The following FMNL3 variants were observed in gnomAD, a reference collection of about 807,000 sequenced individuals.
FMNL3 encodes the protein formin like 3, also known as formin-like protein 3.
FMNL3 carries 57 observed loss-of-function variants against 119.6 expected under a neutral mutation model. The observed-to-expected ratio is 0.48, with a 90% CI of 0.39 to 0.59. The LOEUF is 0.59. Ranked by LOEUF, FMNL3 falls within the 20% of genes least tolerant of loss-of-function variation. FMNL3 has a pLI of 0.00. For missense variants in FMNL3, 1,053 were observed against 1,323.5 expected, an observed-to-expected ratio of 0.80 and a Z score of 3.17; for synonymous variants, 491 against 507.3, an observed-to-expected ratio of 0.97 and a Z score of 0.43.
Position 49,658,427 on chromosome 12 carries a change from C to A in FMNL3, c.605+15G>T. On this transcript the variant is annotated intron_variant, in intron 6 of 25. Transcript: ENST00000335154. ...TAGGGTGGGAGGCAGGTGGGCAGAG[C>A]AAAAGCACACATACCGGAGCACAGA... 6.3e-7 allele frequency: 1 copy of A among 1,579,166 alleles called. No individual in the cohort carries two copies.
At chr12:49,694,412 C>G (rs1186895599) in intron 1 of FMNL3, among the ~76,000 whole-genome samples, 1 of 152,148 alleles carries the variant, frequency 6.6e-6, no homozygotes, top group African/African-American at 2.4e-5. Flanking sequence ...CCCGATTATT[C>G]CTTACATGCA....
At chr12:49,650,979 A>T (rs1943380654) in intron 16 of FMNL3, 101 bp from the exon 17 acceptor site, 2 of 1,486,278 alleles carry the variant, frequency 1.3e-6, no homozygotes, top group South Asian at 2.3e-5. Context: ...GTCACTCTGG[A>T]ATATTTCCTG....
At chr12:49,668,588 C>G in intron 1 of FMNL3, 34 bp from the exon 2 acceptor site, 1 of 1,592,346 alleles carries the variant, frequency 6.3e-7, no homozygotes, top group African/African-American at 1.3e-5. Context: ...AAGGCTGAAA[C>G]CTCCCCTCAT....
Position 49,643,013 on chromosome 12 carries a change from C to T in FMNL3, c.*2802G>A. 4.3e-6 allele frequency: 7 copies of T among 1,613,418 alleles called. No individual in the cohort carries two copies. The highest frequency in any genetic ancestry group is 5.9e-6 in the Non-Finnish European group (7 of 1,179,536). The stretch of plus-strand genomic sequence containing the variant: ...ACCATCACAAGCGTTCCCACTCACC[C>T]TCAGTGAGTAAGCGTGTAGAAGGGA... On this transcript the variant is annotated 3_prime_UTR_variant, in exon 26 of 26. Transcript: ENST00000335154.
At chr12:49,657,048 A>G (rs1428020714) in intron 7 of FMNL3, 34 bp downstream of exon 7, 2 of 1,597,742 alleles carry the variant, frequency 1.3e-6, no homozygotes, top group East Asian at 4.5e-5. Flanking sequence ...AGGCAGAAGA[A>G]GTAGAGCACC....
intron 1 of FMNL3, among the ~76,000 whole-genome samples, chr12:49,686,010 T>C (rs1944447898): frequency 6.6e-6 from 1 of 152,080 alleles, no homozygotes; most frequent in Non-Finnish European, 1.5e-5. Context: ...GAGGTTGCAG[T>C]GAGCTGAGAT....
At chr12:49,667,777 G>GCC (rs1378978144) in intron 2 of FMNL3, among the ~76,000 whole-genome samples, 1 of 152,150 alleles carries the variant, frequency 6.6e-6, no homozygotes, top group African/African-American at 2.4e-5. Flanking sequence ...ATGGCAAAGT[G>GCC]CTGGGTAAAC....
chr12:49,645,855 G>A lies in FMNL3; in HGVS notation c.3044C>T (p.Ala1015Val), dbSNP rs976381514. ...MVVRHQARSA[A>V]PPSGPPRAPG... ...AGCCCGAGGGGGACCACTGGGCGGTGCAGCACTCCTGGCTTGGTGGCGAAC... is the reference window on the plus strand; with the variant it reads ...AGCCCGAGGGGGACCACTGGGCGGTACAGCACTCCTGGCTTGGTGGCGAAC... Residue 1015 changes from alanine (A) to valine (V), a missense_variant, in exon 26 of 26, where the codon GCA (alanine) becomes GTA (valine). By Grantham distance (64) the Ala-to-Val change is moderately conservative. This residue lies in a region of FMNL3 where 324 missense variants were observed against 380.9 expected (regional missense o/e 0.85). Coordinates refer to ENST00000335154, the MANE Select transcript of FMNL3 (RefSeq NM_175736.5). The A allele has an allele frequency of 4.3e-6, 7 of 1,610,642 alleles. No homozygotes were observed. The highest frequency in any genetic ancestry group is 2.2e-5 in the South Asian group (2 of 90,748).
intron 25 of FMNL3, 115 bp from the exon 26 acceptor site, chr12:49,646,018 A>G: frequency 1.2e-6 from 1 of 835,018 alleles, no homozygotes; most frequent in Non-Finnish European, 1.9e-6. Context: ...GCAGATAAAC[A>G]GGAGGCTTAG....
At chr12:49,705,746 T>C (rs1324336842) in intron 1 of FMNL3, among the ~76,000 whole-genome samples, 2 of 152,186 alleles carry the variant, frequency 1.3e-5, no homozygotes, top group Non-Finnish European at 2.9e-5. Flanking sequence ...CCCACATCCC[T>C]TTGGCCCTTC....
chr12:49,675,377 A>G (rs1472335318), intron 1 of FMNL3, among the ~76,000 whole-genome samples: 2 of 152,184 alleles, frequency 1.3e-5, no homozygotes, highest in East Asian at 3.8e-4. Flanking sequence ...TGCTGGGGGC[A>G]GCTTATTTTC....
At chr12:49,657,258 C>T in intron 6 of FMNL3, 68 bp from the exon 7 acceptor site, 2 of 1,237,710 alleles carry the variant, frequency 1.6e-6, no homozygotes, top group South Asian at 1.2e-5. Context: ...GGACACTCAC[C>T]ATCACCCGGA....
chr12:49,646,598 G>T, intron 25 of FMNL3: 1 of 1,430,732 alleles, frequency 7.0e-7, no homozygotes, highest in Non-Finnish European at 9.3e-7. Flanking sequence ...AGGAATCCTG[G>T]GAGACGGGCA....
At position 49,651,457 on chromosome 12, in the gene FMNL3, G is replaced by A. The variant is rs561275663; in HGVS notation, c.1604-7C>T. On this transcript the variant is annotated splice_polypyrimidine_tract_variant and splice_region_variant and intron_variant, in intron 14 of 25. Transcript: ENST00000335154. ...GGGGCTGGGGGACACTTGTCTGGGG[G>A]AAGAAGAAATGACACAGTGACCCAG... 3.3e-4 allele frequency: 477 copies of A among 1,461,630 alleles called. No homozygotes were observed. Among genetic ancestry groups the A allele is most frequent in the Non-Finnish European group, 3.7e-4 (413 of 1,102,508 alleles). 90.5% of individuals were successfully genotyped at this position (1,461,630 alleles called of 1,614,324 possible).
At chr12:49,694,356 C>T (rs1944694020) in intron 1 of FMNL3, among the ~76,000 whole-genome samples, 1 of 152,158 alleles carries the variant, frequency 6.6e-6, no homozygotes, top group Admixed American at 6.5e-5. Flanking sequence ...AAGGAGTGGA[C>T]AATCAGGCTC....
At chr12:49,692,029 C>A in intron 1 of FMNL3, among the ~76,000 whole-genome samples, 1 of 102,176 alleles carries the variant, frequency 9.8e-6, no homozygotes. Context: ...AGCAAGACTC[C>A]ATCTCAAAAA....
intron 1 of FMNL3, among the ~76,000 whole-genome samples, chr12:49,671,013 C>CA (rs1944030166): frequency 6.6e-6 from 1 of 152,214 alleles, no homozygotes; most frequent in Non-Finnish European, 1.5e-5. Context: ...AAGTCTGTGC[C>CA]ATGAAAATAG....
rs1943086829 is a variant in FMNL3, at chr12:49,644,654, A to G, written c.*1161T>C. 2 of 183,354 alleles carry G rather than the reference A, an allele frequency of 1.1e-5. No individual in the cohort carries two copies. The highest frequency in any genetic ancestry group is 2.1e-4 in the South Asian group (2 of 9,468). The allele number at this position is 183,354 out of a possible 1,614,324, so 11.4% of individuals were successfully genotyped here. On this transcript the variant is annotated 3_prime_UTR_variant, in exon 26 of 26. Transcript: ENST00000335154. ...TGTTTTTTGTTTTTTAAATAACAAT[A>G]TTTATAACATGGCCAGTGACTCTTT...
rs1265918238 is a variant in FMNL3, at chr12:49,645,611, G to A, written c.*204C>T. The A allele has an allele frequency of 1.9e-6, 1 of 525,380 alleles. No individual in the cohort carries two copies. The highest frequency in any genetic ancestry group is 3.3e-6 in the Non-Finnish European group (1 of 301,872). The allele number at this position is 525,380 out of a possible 1,614,324, so 32.5% of individuals were successfully genotyped here. On this transcript the variant is annotated 3_prime_UTR_variant, in exon 26 of 26. Transcript: ENST00000335154. Reference sequence around the variant, plus strand: ...AGGAAATGAAGTCAAAGACCTTGGGGGCAAAGTGCAGTACTGGAAGCACCA... The same window carrying A: ...AGGAAATGAAGTCAAAGACCTTGGGAGCAAAGTGCAGTACTGGAAGCACCA...
Sources: allele counts gnomAD v4.1 joint callset (sites outside exome capture counted in the v4.1 genomes callset), GRCh38; gene constraint gnomAD v4.1.1; regional missense constraint gnomAD v4.1.1; transcripts MANE v1.5; gene names NCBI Gene and HGNC (gene_info 2026-07-23, HGNC 2026-07-21).